The following MAP2K6 variants were observed in gnomAD, a reference collection of about 807,000 sequenced individuals.
MAP2K6 encodes mitogen-activated protein kinase kinase 6.
In MAP2K6, 16 loss-of-function variants were observed where a neutral mutation model predicts 53.7. That is an observed-to-expected ratio of 0.30 (90% CI 0.20 to 0.45). The LOEUF (loss-of-function observed/expected upper bound fraction) is 0.45. Ranked by LOEUF, MAP2K6 falls within the 20% of genes least tolerant of loss-of-function variation. The pLI is 1.00. For synonymous variants in MAP2K6, 132 were observed against 143.1 expected, an observed-to-expected ratio of 0.92 and a Z score of 0.55; for missense variants, 204 against 411.9, an observed-to-expected ratio of 0.50 and a Z score of 4.37.
chr17:69,513,040 A>T (rs1296629900), intron 2 of MAP2K6, among the ~76,000 whole-genome samples: 1 of 152,194 alleles, frequency 6.6e-6, no homozygotes, highest in South Asian at 2.1e-4. Context: ...GAGGACTAAA[A>T]TATTGAAAAA....
intron 2 of MAP2K6, among the ~76,000 whole-genome samples, chr17:69,512,733 A>G (rs1909921800): frequency 6.6e-6 from 1 of 152,106 alleles, no homozygotes; most frequent in South Asian, 2.1e-4. Context: ...ACCCTATTCT[A>G]TTTCAATAGA....
intron 1 of MAP2K6, among the ~76,000 whole-genome samples, chr17:69,449,607 CTCTT>C (rs1907132903): frequency 2.2e-5 from 2 of 91,712 alleles, no homozygotes; most frequent in African/African-American, 4.0e-5. Context: ...TTCTTTCTCT[CTCTT>C]TTTTTTTTTT....
chr17:69,460,578 G>T (rs1455227339), intron 1 of MAP2K6, among the ~76,000 whole-genome samples: 3 of 152,156 alleles, frequency 2.0e-5, no homozygotes, highest in African/African-American at 7.2e-5. Flanking sequence ...CAAAAGTCTA[G>T]CTAAGACTTG....
In MAP2K6 at chr17:69,481,306, G is replaced by A. The variant is rs1908343829; in HGVS notation, c.17-24474G>A. Among the ~76,000 whole-genome samples, 4 of 152,156 alleles carry A rather than the reference G, an allele frequency of 2.6e-5. No individual in the cohort carries two copies. The South Asian group carries it at 8.3e-4, about 31-fold the overall frequency. ...AGTGTCTCCAAGGTTCATCCATGTT[G>A]TAGCATGTGTCAGAATTCCCTTTCT... On this transcript the variant is annotated intron_variant, in intron 1 of 11. Transcript: ENST00000590474.
At chr17:69,502,629 G>A (rs1909228327) in intron 1 of MAP2K6, 1 of 985,364 alleles carries the variant, frequency 1.0e-6, no homozygotes, top group African/African-American at 1.7e-5. Flanking sequence ...ATAGTCAAGG[G>A]TTTAGAGTCT....
chr17:69,451,302 T>C (rs1453820806), intron 1 of MAP2K6, among the ~76,000 whole-genome samples: 1 of 152,116 alleles, frequency 6.6e-6, no homozygotes, highest in East Asian at 1.9e-4. Flanking sequence ...ATTTGCACCG[T>C]GGAAATCAGC....
intron 1 of MAP2K6, among the ~76,000 whole-genome samples, chr17:69,499,113 A>G (rs749804903): frequency 1.1e-4 from 17 of 152,244 alleles, no homozygotes; most frequent in Non-Finnish European, 1.9e-4. Flanking sequence ...TCCTGAGTCT[A>G]TAGACCTGGA....
Position 69,520,366 on chromosome 17 carries a change from T to A in MAP2K6, c.463T>A (p.Leu155Ile). 1 of 1,603,830 alleles carries A rather than the reference T, an allele frequency of 6.2e-7. No individual in the cohort carries two copies. Among genetic ancestry groups the A allele is most frequent in the Non-Finnish European group, 8.5e-7 (1 of 1,174,406 alleles). ...DKGQTIPEDILGKIAVSIVKA... is the reference protein window; with the variant it reads ...DKGQTIPEDIIGKIAVSIVKA... ...AGGCCAGACAATTCCAGAGGACATC[T>A]TAGGGAAAATAGCAGTTTCTGTGAG... Residue 155 changes from leucine (L) to isoleucine (I), a missense_variant, in exon 6 of 12, where the codon TTA becomes ATA. By Grantham distance (5) the Leu-to-Ile change is conservative. Coordinates refer to ENST00000590474, the MANE Select transcript of MAP2K6 (RefSeq NM_002758.4).
intron 11 of MAP2K6, among the ~76,000 whole-genome samples, chr17:69,539,480 A>G (rs1858810272): frequency 6.6e-6 from 1 of 152,160 alleles, no homozygotes; most frequent in African/African-American, 2.4e-5. Context: ...TTACAGCCTC[A>G]AAACCCACAC....
intron 1 of MAP2K6, among the ~76,000 whole-genome samples, chr17:69,444,808 T>C (rs1368509493): frequency 2.0e-5 from 3 of 152,206 alleles, no homozygotes; most frequent in Non-Finnish European, 2.9e-5. Context: ...GGAATGAAGA[T>C]GGCAAATGCA....
chr17:69,493,961 CA>C (rs1908851075), intron 1 of MAP2K6, among the ~76,000 whole-genome samples: 1 of 152,038 alleles, frequency 6.6e-6, no homozygotes, highest in Non-Finnish European at 1.5e-5. Flanking sequence ...TGCTAGGTTG[CA>C]TAAAATTAAG....
rs1029718217 is a variant in MAP2K6 at position 69,545,024 on chromosome 17, C to A, written c.*3271C>A. 2.6e-5 allele frequency: 4 copies of A among 152,170 alleles called. No individual in the cohort carries two copies. Among genetic ancestry groups the A allele is most frequent in the African/African-American group, 7.2e-5 (3 of 41,420 alleles). 9.4% of individuals were successfully genotyped at this position (152,170 alleles called of 1,614,324 possible). On this transcript the variant is annotated 3_prime_UTR_variant, in exon 12 of 12. Transcript: ENST00000590474. The stretch of plus-strand genomic sequence containing the variant: ...CCTGCCTTGTTTATCAGATTTTGCA[C>A]AAAGTTGTGTTTGACAATTTCTAGA...
intron 1 of MAP2K6, among the ~76,000 whole-genome samples, chr17:69,497,775 C>T (rs1041134319): frequency 2.0e-5 from 3 of 152,062 alleles, no homozygotes; most frequent in African/African-American, 7.2e-5. Flanking sequence ...CTTTGAATCC[C>T]CTTATTGTCT....
chr17:69,445,069 C>T (rs544183164), intron 1 of MAP2K6, among the ~76,000 whole-genome samples: 25 of 152,232 alleles, frequency 1.6e-4, no homozygotes, highest in Non-Finnish European at 2.9e-4. Flanking sequence ...TACAAGTGTG[C>T]ACCACCAGGC....
At chr17:69,438,695 T>G (rs1026087059) in intron 1 of MAP2K6, among the ~76,000 whole-genome samples, 1 of 152,164 alleles carries the variant, frequency 6.6e-6, no homozygotes, top group Admixed American at 6.6e-5. Flanking sequence ...TCCTACCACC[T>G]CAGCCTCCCA....
chr17:69,430,560 C>G (rs1906430278), intron 1 of MAP2K6, among the ~76,000 whole-genome samples: 1 of 152,130 alleles, frequency 6.6e-6, no homozygotes, highest in Non-Finnish European at 1.5e-5. Flanking sequence ...TCATAAGAAG[C>G]CTGAGTAGGT....
chr17:69,509,338 G>GT (rs566705484), intron 2 of MAP2K6, among the ~76,000 whole-genome samples: 3 of 151,858 alleles, frequency 2.0e-5, no homozygotes, highest in African/African-American at 7.3e-5. Context: ...TTATACCTAA[G>GT]TTTTTTTTGG....
At chr17:69,462,012 G>A (rs1374100407) in intron 1 of MAP2K6, among the ~76,000 whole-genome samples, 1 of 152,140 alleles carries the variant, frequency 6.6e-6, no homozygotes, top group Non-Finnish European at 1.5e-5. Flanking sequence ...AGTTTGGAAA[G>A]GAAGGTGAAA....
intron 1 of MAP2K6, among the ~76,000 whole-genome samples, chr17:69,449,117 C>G (rs1461885917): frequency 1.3e-5 from 2 of 152,208 alleles, no homozygotes; most frequent in Non-Finnish European, 2.9e-5. Flanking sequence ...AGCCAGGCTA[C>G]CTGGGTTCAA....
Sources: allele counts gnomAD v4.1 joint callset (sites outside exome capture counted in the v4.1 genomes callset), GRCh38; gene constraint gnomAD v4.1.1; transcripts MANE v1.5; gene names NCBI Gene and HGNC (gene_info 2026-07-23, HGNC 2026-07-21).